LY6E: variants seen among roughly 807,000 people sequenced by gnomAD.
LY6E encodes the protein lymphocyte antigen 6 family member E.
LY6E carries 4 observed loss-of-function variants against 7.7 expected under a neutral mutation model. The observed-to-expected ratio is 0.52, with a 90% confidence interval of 0.25 to 1.18. The LOEUF is 1.18. Among genes scored for constraint, LY6E ranks in the 50% most tolerant of loss-of-function variants. LY6E has a pLI of 0.14. For synonymous variants in LY6E, 81 were observed against 80.1 expected (o/e 1.01, Z -0.06); for missense variants, 156 against 168.0 (o/e 0.93, Z 0.40).
intron 3 of LY6E, 43 bp from the exon 4 acceptor site, chr8:143,021,523 G>C (rs771794760): frequency 1.1e-5 from 17 of 1,612,610 alleles, no homozygotes; most frequent in Non-Finnish European, 1.4e-5. Context: ...CTGTCTGTCT[G>C]CAGCCGTCTG....
At chr8:143,021,217 C>T in intron 2 of LY6E, 97 bp from the exon 3 acceptor site, 1 of 1,517,230 alleles carries the variant, frequency 6.6e-7, no homozygotes, top group Non-Finnish European at 8.9e-7. Flanking sequence ...CAGCCCAGGG[C>T]CTGGTATACA....
intron 1 of LY6E, chr8:143,018,790 G>GT (rs1489861266): frequency 6.6e-6 from 1 of 152,378 alleles, no homozygotes; most frequent in Non-Finnish European, 1.5e-5. Flanking sequence ...CTGCCGGTGG[G>GT]TTGGTCCCCA....
chr8:143,021,167 C>A, intron 2 of LY6E, 147 bp from the exon 3 acceptor site: 1 of 1,274,608 alleles, frequency 7.8e-7, no homozygotes, highest in Non-Finnish European at 1.1e-6. Context: ...TTGACCTGCT[C>A]GACGGCCAGG....
Position 143,022,350 on chromosome 8 carries a change from AC to A in LY6E, c.*566del. ...AATCCAGCCAGTCCTGCCCCAGCCC[AC>A]CCCCACATTGGAGCCCTCCTGCTGC... On this transcript the variant is annotated 3_prime_UTR_variant, in exon 4 of 4. Coordinates refer to ENST00000292494, the MANE Select transcript of LY6E (RefSeq NM_002346.3). 1 of 156,320 alleles carries A rather than the reference AC, an allele frequency of 6.4e-6. No individual in the cohort carries two copies. Among genetic ancestry groups the A allele is most frequent in the Non-Finnish European group, 1.4e-5 (1 of 70,962 alleles). 9.7% of individuals were successfully genotyped at this position (156,320 alleles called of 1,614,324 possible).
At chr8:143,021,093 G>C (rs1819208623) in intron 2 of LY6E, 102 bp downstream of exon 2, 1 of 1,378,342 alleles carries the variant, frequency 7.3e-7, no homozygotes, top group African/African-American at 1.4e-5. Context: ...GTCCTTCCAG[G>C]CCGCTCCCAG....
At chr8:143,019,782 C>T (rs930152599) in intron 1 of LY6E, among the ~76,000 whole-genome samples, 4 of 152,214 alleles carry the variant, frequency 2.6e-5, no homozygotes, top group African/African-American at 7.2e-5. Flanking sequence ...CCGGGATGTC[C>T]CTCCCACTCC....
At position 143,022,128 on chromosome 8, in the gene LY6E, T is replaced by C. The variant is rs1434983441; in HGVS notation, c.*339T>C. 1 of 441,436 alleles carries C rather than the reference T, an allele frequency of 2.3e-6. No homozygotes were observed. Among genetic ancestry groups the C allele is most frequent in the Non-Finnish European group, 4.1e-6 (1 of 246,812 alleles). 27.3% of individuals were successfully genotyped at this position (441,436 alleles called of 1,614,324 possible). A position where few individuals can be genotyped will look rare whatever the true frequency, so the allele number is the denominator to read the frequency against. The stretch of plus-strand genomic sequence containing the variant: ...GACCGTGTCAGTAGGGATGTGTGCC[T>C]GGCTGTGTACGTGGGTGTGCAGTGC... On this transcript the variant is annotated 3_prime_UTR_variant, in exon 4 of 4. Transcript: ENST00000292494.
Position 143,021,397 on chromosome 8 carries a change from A to C in LY6E, c.136A>C (p.Asn46His). ...GCCGACCATCTGCTCCGACCAGGACAACTACTGCGTGACTGTGTCTGCTAG... is the reference window on the plus strand; with the variant it reads ...GCCGACCATCTGCTCCGACCAGGACCACTACTGCGTGACTGTGTCTGCTAG... ...LKPTICSDQD[N>H]YCVTVSASAG... The change falls in exon 3 of 4, where the codon AAC (asparagine) becomes CAC (histidine). Residue 46 changes from asparagine to histidine, a missense_variant. Asn to His is a moderately conservative substitution (Grantham distance 68, BLOSUM62 1). Transcript: ENST00000292494. 2 of 1,614,034 alleles carry C rather than the reference A, an allele frequency of 1.2e-6. No homozygotes were observed. Among genetic ancestry groups the C allele is most frequent in the Middle Eastern group, 1.6e-4 (1 of 6,062 alleles).
rs1446709673 is a variant in LY6E at position 143,020,972 on chromosome 8, C to T, written c.33C>T (p.Ala11=). 1.9e-6 allele frequency: 3 copies of T among 1,613,982 alleles called. No individual in the cohort carries two copies. The Admixed American group carries it at 5.0e-5, about 27-fold the overall frequency. MKIFLPVLLA[A]LLGVERASSL... ...TCTTCTTGCCAGTGCTGCTGGCTGC[C>T]CTTCTGGGTGTGGAGCGAGGTGAGG... The change falls in exon 2 of 4, where the codon GCC becomes GCT. Residue 11 remains alanine, a synonymous_variant. Coordinates refer to ENST00000292494, the MANE Select transcript of LY6E (RefSeq NM_002346.3).
chr8:143,021,981 A>G lies in LY6E; in HGVS notation c.*192A>G, dbSNP rs1819237985. The G allele has an allele frequency of 6.7e-6, 4 of 599,506 alleles. No individual in the cohort carries two copies. Among genetic ancestry groups the G allele is most frequent in the Non-Finnish European group, 8.8e-6 (3 of 340,608 alleles). The allele number at this position is 599,506 out of a possible 1,614,324, so 37.1% of individuals were successfully genotyped here. A position where few individuals can be genotyped will look rare whatever the true frequency, so the allele number is the denominator to read the frequency against. ...GCCCCAAGTGGGGCCAGCTGCCCTC[A>G]CTTCTGGGGTGGATGATGTGACCTT... On this transcript the variant is annotated 3_prime_UTR_variant, in exon 4 of 4. Transcript: ENST00000292494.
In LY6E at chr8:143,021,595, A is replaced by C. The variant is rs370730719; in HGVS notation, c.202A>C (p.Ser68Arg). ...GNLVTFGHSLSKTCSPACPIP... is the reference protein window; with the variant it reads ...GNLVTFGHSLRKTCSPACPIP... ...TCTCGTGACATTTGGCCACAGCCTG[A>C]GCAAGACCTGTTCCCCGGCCTGCCC... The change falls in exon 4 of 4, where the codon AGC becomes CGC. Residue 68 changes from serine (S) to arginine (R), a missense_variant. By Grantham distance (110) the Ser-to-Arg change is moderately radical. Coordinates refer to ENST00000292494, the MANE Select transcript of LY6E (RefSeq NM_002346.3). 3 of 1,613,810 alleles carry C rather than the reference A, an allele frequency of 1.9e-6. No homozygotes were observed. Among genetic ancestry groups the C allele is most frequent in the African/African-American group, 1.3e-5 (1 of 74,898 alleles).
intron 2 of LY6E, 89 bp from the exon 3 acceptor site, chr8:143,021,225 A>G: frequency 6.5e-7 from 1 of 1,536,102 alleles, no homozygotes; most frequent in Non-Finnish European, 8.8e-7. Context: ...GGCCTGGTAT[A>G]CAGTAATTTC....
chr8:143,019,523 G>C (rs1040795653), intron 1 of LY6E, among the ~76,000 whole-genome samples: 7 of 152,188 alleles, frequency 4.6e-5, no homozygotes, highest in Admixed American at 3.3e-4. Flanking sequence ...CTCACTTTAG[G>C]GGGGTGGGGG....
chr8:143,021,285 C>T, intron 2 of LY6E, 29 bp from the exon 3 acceptor site: 1 of 1,607,816 alleles, frequency 6.2e-7, no homozygotes, highest in African/African-American at 1.3e-5. Flanking sequence ...TGGAGGCTTC[C>T]CTGAGACAGG....
Position 143,022,326 on chromosome 8 carries a change from A to C in LY6E, c.*537A>C. 1 of 155,832 alleles carries C rather than the reference A, an allele frequency of 6.4e-6. No individual in the cohort carries two copies. Among genetic ancestry groups the C allele is most frequent in the Non-Finnish European group, 1.4e-5 (1 of 70,956 alleles). The allele number at this position is 155,832 out of a possible 1,614,324, so 9.7% of individuals were successfully genotyped here. ...CTTCCGGGTCTAGGCCCTGCCCCAA[A>C]TCCAGCCAGTCCTGCCCCAGCCCAC... On this transcript the variant is annotated 3_prime_UTR_variant, in exon 4 of 4. Coordinates refer to ENST00000292494, the MANE Select transcript of LY6E (RefSeq NM_002346.3).
chr8:143,021,990 G>A lies in LY6E; in HGVS notation c.*201G>A. 1.7e-6 allele frequency: 1 copy of A among 596,578 alleles called. No homozygotes were observed. The highest frequency in any genetic ancestry group is 3.0e-6 in the Non-Finnish European group (1 of 337,262). 37.0% of individuals were successfully genotyped at this position (596,578 alleles called of 1,614,324 possible). A position where few individuals can be genotyped will look rare whatever the true frequency, so the allele number is the denominator to read the frequency against. On this transcript the variant is annotated 3_prime_UTR_variant, in exon 4 of 4. Coordinates refer to ENST00000292494, the MANE Select transcript of LY6E (RefSeq NM_002346.3). ...GGGGCCAGCTGCCCTCACTTCTGGG[G>A]TGGATGATGTGACCTTCCTTGGGGG...
chr8:143,021,027 G>C (rs1173368337), intron 2 of LY6E, 36 bp downstream of exon 2: 1 of 1,606,918 alleles, frequency 6.2e-7, no homozygotes. Flanking sequence ...CCTTTGTCCA[G>C]CTGTGCCCTG....
intron 1 of LY6E, chr8:143,018,889 G>C (rs1819139337): frequency 6.6e-6 from 1 of 152,226 alleles, no homozygotes; most frequent in Admixed American, 6.5e-5. Flanking sequence ...CTGCCGCCAG[G>C]AGCCTCCCGG....
At position 143,020,897 on chromosome 8, in the gene LY6E, C is replaced by T; in HGVS notation, c.-43C>T. On this transcript the variant is annotated 5_prime_UTR_variant, in exon 2 of 4. Transcript: ENST00000292494. ...TGTCTCTCCAGAGCAGGACAGGCTGCTTTGGTTTGTGACCTCCAGGCAGGA... is the reference window on the plus strand; with the variant it reads ...TGTCTCTCCAGAGCAGGACAGGCTGTTTTGGTTTGTGACCTCCAGGCAGGA... 1 of 1,602,414 alleles carries T rather than the reference C, an allele frequency of 6.2e-7. No individual in the cohort carries two copies. Among genetic ancestry groups the T allele is most frequent in the Non-Finnish European group, 8.5e-7 (1 of 1,170,828 alleles).
Sources: allele counts gnomAD v4.1 joint callset (sites outside exome capture counted in the v4.1 genomes callset), GRCh38; gene constraint gnomAD v4.1.1; transcripts MANE v1.5; gene names NCBI Gene and HGNC (gene_info 2026-07-23, HGNC 2026-07-21).